Variants in CNTN5 observed in about 807,000 individuals in gnomAD.
CNTN5 encodes contactin-5.
In CNTN5, 77 loss-of-function variants were observed where a neutral mutation model predicts 129.1. The ratio of observed to expected loss-of-function variants is 0.60; its 90% CI spans 0.50 to 0.72. CNTN5 has a LOEUF of 0.72. CNTN5 is among the 30% of genes least tolerant of loss of function. CNTN5 has a pLI of 0.00. For missense variants in CNTN5, 1,478 were observed against 1,328.8 expected, an observed-to-expected ratio of 1.11 and a Z score of -1.75; for synonymous variants, 509 against 465.6, an observed-to-expected ratio of 1.09 and a Z score of -1.20.
At chr11:99,667,298 TAATA>T (rs1031688939) in intron 3 of CNTN5, among the ~76,000 whole-genome samples, 1 of 80,984 alleles carries the variant, frequency 1.2e-5, no homozygotes, top group African/African-American at 3.3e-5. Context: ...CTAAAGCAAT[TAATA>T]AATTTTGTAA....
intron 1 of CNTN5, among the ~76,000 whole-genome samples, chr11:99,097,150 C>G (rs977844511): frequency 7.2e-5 from 11 of 151,824 alleles, no homozygotes; most frequent in Admixed American, 7.2e-4. Flanking sequence ...ATAAAGAAAA[C>G]CACTGGTGTA....
intron 18 of CNTN5, among the ~76,000 whole-genome samples, chr11:100,278,870 C>A (rs1052295409): frequency 6.6e-6 from 1 of 151,888 alleles, no homozygotes; most frequent in Non-Finnish European, 1.5e-5. Flanking sequence ...ACTGGGCATT[C>A]TTGTCATGTT....
rs141883186 is a variant in CNTN5, at chr11:99,947,013, T to C, written c.674-9793T>C. Among the ~76,000 whole-genome samples the C allele has an allele frequency of 5.4e-3, 827 of 151,862 alleles. 11 individuals carry two copies. The highest frequency in any genetic ancestry group is 0.019 in the African/African-American group (795 of 41,492). ...ATTAATATATAAGCATGATTCTACA[T>C]GATTATGAAAATGAGTATGTTTTAC... On this transcript the variant is annotated intron_variant, in intron 7 of 24. Transcript: ENST00000524871.
intron 4 of CNTN5, among the ~76,000 whole-genome samples, chr11:99,839,736 A>G (rs563318840): frequency 6.6e-6 from 1 of 152,236 alleles, no homozygotes; most frequent in South Asian, 2.1e-4. Context: ...AGAGAGAAAA[A>G]ATGATTAAAG....
intron 7 of CNTN5, among the ~76,000 whole-genome samples, chr11:99,942,776 T>A (rs1006363548): frequency 6.6e-6 from 1 of 151,924 alleles, no homozygotes; most frequent in Admixed American, 6.6e-5. Flanking sequence ...GAACATGTGG[T>A]TTTTGGTTTT....
intron 18 of CNTN5, among the ~76,000 whole-genome samples, chr11:100,292,949 C>T (rs1207014610): frequency 6.6e-6 from 1 of 151,844 alleles, no homozygotes; most frequent in African/African-American, 2.4e-5. Flanking sequence ...GCTCTGTTGA[C>T]ATTTGTATTT....
intron 4 of CNTN5, among the ~76,000 whole-genome samples, chr11:99,825,013 C>T (rs1335927601): frequency 1.3e-5 from 2 of 151,906 alleles, no homozygotes; most frequent in African/African-American, 2.4e-5. Flanking sequence ...GTATATAGAG[C>T]CCTATCAATC....
intron 8 of CNTN5, among the ~76,000 whole-genome samples, chr11:99,963,445 T>A (rs1395563032): frequency 1.3e-5 from 2 of 152,132 alleles, no homozygotes. Flanking sequence ...TTTTGTCAGG[T>A]TTGTCAAAGA....
intron 3 of CNTN5, among the ~76,000 whole-genome samples, chr11:99,732,770 A>T (rs1943577030): frequency 2.0e-5 from 3 of 152,206 alleles, no homozygotes; most frequent in Non-Finnish European, 4.4e-5. Flanking sequence ...ATGTTATTAA[A>T]ATAATAGAGG....
At chr11:99,131,686 C>A (rs1170189876) in intron 1 of CNTN5, among the ~76,000 whole-genome samples, 1 of 152,066 alleles carries the variant, frequency 6.6e-6, no homozygotes, top group African/African-American at 2.4e-5. Flanking sequence ...TATACCCTCC[C>A]AAGACTGAAG....
At chr11:99,078,991 G>A (rs1254035040) in intron 1 of CNTN5, among the ~76,000 whole-genome samples, 1 of 152,090 alleles carries the variant, frequency 6.6e-6, no homozygotes, top group Non-Finnish European at 1.5e-5. Context: ...TGAGGTGATG[G>A]TTACCCCATC....
At chr11:99,852,432 C>T (rs1947902084) in intron 6 of CNTN5, among the ~76,000 whole-genome samples, 1 of 152,198 alleles carries the variant, frequency 6.6e-6, no homozygotes, top group East Asian at 1.9e-4. Flanking sequence ...TTGCCTCAAT[C>T]TTCCAAAATG....
intron 7 of CNTN5, among the ~76,000 whole-genome samples, chr11:99,946,197 T>C (rs752672060): frequency 9.2e-5 from 14 of 152,130 alleles, no homozygotes; most frequent in South Asian, 2.1e-4. Context: ...CCTACAGATA[T>C]ACAGTTCTCC....
At chr11:100,308,744 T>A (rs1275487975) in intron 21 of CNTN5, 35 of 1,040,926 alleles carry the variant, frequency 3.4e-5, no homozygotes, top group Non-Finnish European at 4.0e-5. Context: ...AGGTAGATAT[T>A]TAATTGTATC....
chr11:99,617,383 A>G (rs1950793819), intron 3 of CNTN5, among the ~76,000 whole-genome samples: 1 of 152,122 alleles, frequency 6.6e-6, no homozygotes, highest in African/African-American at 2.4e-5. Context: ...ATTTTCAAGG[A>G]ATATTAGTGC....
chr11:99,351,960 C>T (rs1363193266), intron 2 of CNTN5, among the ~76,000 whole-genome samples: 1 of 152,190 alleles, frequency 6.6e-6, no homozygotes, highest in Non-Finnish European at 1.5e-5. Flanking sequence ...TCTGCCAAAT[C>T]AACTTTGCTC....
At chr11:99,952,997 A>G (rs900306619) in intron 7 of CNTN5, among the ~76,000 whole-genome samples, 3 of 152,194 alleles carry the variant, frequency 2.0e-5, no homozygotes, top group Non-Finnish European at 4.4e-5. Flanking sequence ...AAATTCTTTG[A>G]CCCAAAGCCT....
At chr11:99,715,856 G>T (rs1359898278) in intron 3 of CNTN5, among the ~76,000 whole-genome samples, 1 of 151,758 alleles carries the variant, frequency 6.6e-6, no homozygotes, top group Non-Finnish European at 1.5e-5. Flanking sequence ...AAAGGAAATT[G>T]TATTAAGCAA....
intron 13 of CNTN5, among the ~76,000 whole-genome samples, chr11:100,134,342 G>A (rs777101504): frequency 7.9e-5 from 12 of 152,054 alleles, no homozygotes; most frequent in East Asian, 1.9e-4. Context: ...TGGTATTCTC[G>A]ATGAAATTCA....
Sources: allele counts gnomAD v4.1 joint callset (sites outside exome capture counted in the v4.1 genomes callset), GRCh38; gene constraint gnomAD v4.1.1; transcripts MANE v1.5; gene names NCBI Gene and HGNC (gene_info 2026-07-23, HGNC 2026-07-21).